USP6NL: variants seen among roughly 807,000 people sequenced by gnomAD.
The protein encoded by USP6NL is USP6 N-terminal like.
USP6NL carries 26 observed loss-of-function variants against 61.9 expected under a neutral mutation model. The observed-to-expected ratio is 0.42, with a 90% CI of 0.31 to 0.58. The LOEUF is 0.58. Among genes scored for constraint, USP6NL ranks in the 20% least tolerant of loss-of-function variants. The pLI is 0.16. For synonymous variants in USP6NL, 432 were observed against 390.1 expected, an observed-to-expected ratio of 1.11 and a Z score of -1.27; for missense variants, 1,114 against 1,034.3, an observed-to-expected ratio of 1.08 and a Z score of -1.06.
intron 2 of USP6NL, among the ~76,000 whole-genome samples, chr10:11,544,500 T>C (rs1836199277): frequency 6.6e-6 from 1 of 152,178 alleles, no homozygotes; most frequent in African/African-American, 2.4e-5. Context: ...TTTCTTTTTT[T>C]TTTTAAGACA....
At position 11,587,639 on chromosome 10, in the gene USP6NL, A is replaced by G. The variant is rs1375127790; in HGVS notation, c.4+9992T>C. On this transcript the variant is annotated intron_variant, in intron 2 of 14. Coordinates refer to ENST00000609104, the MANE Select transcript of USP6NL (RefSeq NM_014688.5). This position sits in a 1 kb window ranked among gnomAD's most constrained non-coding sequence, Gnocchi z 4.5. Reference sequence around the variant, plus strand: ...TCTCAATTTATGTACAAATAGCTATAGCTGTTTTATTATTATAAAATAATT... The same window carrying G: ...TCTCAATTTATGTACAAATAGCTATGGCTGTTTTATTATTATAAAATAATT... 6.6e-6 allele frequency among the ~76,000 whole-genome samples: 1 copy of G among 152,194 alleles called. No homozygotes were observed. Among genetic ancestry groups the G allele is most frequent in the African/African-American group, 2.4e-5 (1 of 41,444 alleles).
In USP6NL at chr10:11,575,648, C is replaced by T. The variant is rs1206892514; in HGVS notation, c.4+21983G>A. Among the ~76,000 whole-genome samples, 1 of 152,178 alleles carries T rather than the reference C, an allele frequency of 6.6e-6. No individual in the cohort carries two copies. Among genetic ancestry groups the T allele is most frequent in the Admixed American group, 6.5e-5 (1 of 15,278 alleles). On this transcript the variant is annotated intron_variant, in intron 2 of 14. Coordinates refer to ENST00000609104, the MANE Select transcript of USP6NL (RefSeq NM_014688.5). This position sits in a 1 kb window ranked among gnomAD's most constrained non-coding sequence, Gnocchi z 4.2. Reference sequence around the variant, plus strand: ...AAAATCACATAGCAATCACTTTGAACACATTGGTTCACTACTGTCAATGCT... The same window carrying T: ...AAAATCACATAGCAATCACTTTGAATACATTGGTTCACTACTGTCAATGCT...
intron 8 of USP6NL, 83 bp downstream of exon 8, chr10:11,493,036 G>A (rs1263627432): frequency 1.6e-5 from 19 of 1,220,260 alleles, no homozygotes; most frequent in Non-Finnish European, 1.6e-5. Context: ...CGAAATTACA[G>A]TCTATAAAGG....
In USP6NL at chr10:11,490,676, T is replaced by A. The variant is rs1029844160; in HGVS notation, c.543+156A>T. Among the ~76,000 whole-genome samples the A allele has an allele frequency of 2.0e-5, 3 of 152,182 alleles. No individual in the cohort carries two copies. ...CAGCTCTGTTCTAAGGCCCTAGGGT[T>A]ATCACAGGGTTTCAGCTTAAAAAGA... On this transcript the variant is annotated intron_variant, in intron 9 of 14. Transcript: ENST00000609104. The surrounding 1 kb of genome is among the most constrained non-coding windows in gnomAD (Gnocchi z 4.5).
intron 2 of USP6NL, among the ~76,000 whole-genome samples, chr10:11,530,101 CAAAAAAAAAAA>C (rs900768943): frequency 2.8e-5 from 2 of 72,014 alleles, no homozygotes; most frequent in African/African-American, 1.1e-4. Context: ...GACCCTGTCT[CAAAAAAAAAAA>C]AAAAAAAAAA....
In USP6NL at chr10:11,462,423, G is replaced by T; in HGVS notation, c.*18C>A. ...TCACGTGGTTTCTCTCTCGTCTTTA[G>T]CAAGTACACGTCAAATCTCACAGCA... On this transcript the variant is annotated 3_prime_UTR_variant, in exon 15 of 15. Coordinates refer to ENST00000609104, the MANE Select transcript of USP6NL (RefSeq NM_014688.5). 1 of 1,605,060 alleles carries T rather than the reference G, an allele frequency of 6.2e-7. No individual in the cohort carries two copies. Among genetic ancestry groups the T allele is most frequent in the Non-Finnish European group, 8.5e-7 (1 of 1,175,462 alleles).
At chr10:11,515,301 T>G (rs923377835) in intron 5 of USP6NL, among the ~76,000 whole-genome samples, 3 of 152,252 alleles carry the variant, frequency 2.0e-5, no homozygotes, top group Admixed American at 2.0e-4. Flanking sequence ...AATGCATGGA[T>G]GGATATTACA....
At position 11,462,186 on chromosome 10, in the gene USP6NL, G is replaced by A. The variant is rs968240081; in HGVS notation, c.*255C>T. 17 of 459,658 alleles carry A rather than the reference G, an allele frequency of 3.7e-5. No homozygotes were observed. The highest frequency in any genetic ancestry group is 3.1e-4 in the African/African-American group (16 of 51,232). The allele number at this position is 459,658 out of a possible 1,614,324, so 28.5% of individuals were successfully genotyped here. On this transcript the variant is annotated 3_prime_UTR_variant, in exon 15 of 15. Transcript: ENST00000609104. ...CGGAACTGAGTAATAAATTACCACT[G>A]TGCGTGCATCCCTAAATGCTATTGC...
chr10:11,516,846 G>C lies in USP6NL; in HGVS notation c.195+1689C>G, dbSNP rs189684381. On this transcript the variant is annotated intron_variant, in intron 5 of 14. Transcript: ENST00000609104. The stretch of plus-strand genomic sequence containing the variant: ...CATTAAGAGGTCATTTACTATATAG[G>C]CACATCTCTTAAAAAACTAATAAAA... 3.0e-3 allele frequency among the ~76,000 whole-genome samples: 450 copies of C among 152,020 alleles called. 1 individual carries two copies. The highest frequency in any genetic ancestry group is 0.01 in the African/African-American group (416 of 41,476).
rs1244261523 is a variant in USP6NL, at chr10:11,476,912, C to T, written c.1078+4858G>A. Among the ~76,000 whole-genome samples the T allele has an allele frequency of 6.6e-6, 1 of 152,176 alleles. No individual in the cohort carries two copies. Among genetic ancestry groups the T allele is most frequent in the African/African-American group, 2.4e-5 (1 of 41,438 alleles). ...TTCAAGACGGAGTCTTGCTCTGTCA[C>T]CCAGGCTGAAGTGCAGTGGTGCGAT... On this transcript the variant is annotated intron_variant, in intron 14 of 14. Coordinates refer to ENST00000609104, the MANE Select transcript of USP6NL (RefSeq NM_014688.5). The surrounding 1 kb of genome is among the most constrained non-coding windows in gnomAD (Gnocchi z 4.3).
chr10:11,569,482 T>A (rs1316564833), intron 2 of USP6NL, among the ~76,000 whole-genome samples: 1 of 152,192 alleles, frequency 6.6e-6, no homozygotes, highest in Admixed American at 6.5e-5. Context: ...TAAAGTGTAG[T>A]AATAGAAGCA....
At chr10:11,480,241 C>T (rs988458129) in intron 14 of USP6NL, among the ~76,000 whole-genome samples, 6 of 152,176 alleles carry the variant, frequency 3.9e-5, no homozygotes, top group Admixed American at 2.0e-4. Context: ...AATGAGACGG[C>T]ACCTGTGGTA....
chr10:11,536,719 C>T (rs1285026753), intron 2 of USP6NL, among the ~76,000 whole-genome samples: 2 of 152,192 alleles, frequency 1.3e-5, no homozygotes, highest in Non-Finnish European at 2.9e-5. Flanking sequence ...TCCTATACTT[C>T]CCCGCGGTCC....
chr10:11,603,410 T>C (rs1838611782), intron 1 of USP6NL, among the ~76,000 whole-genome samples: 1 of 152,218 alleles, frequency 6.6e-6, no homozygotes, highest in Non-Finnish European at 1.5e-5. Flanking sequence ...ACTTGATACA[T>C]CATATCAGAA....
In USP6NL at chr10:11,528,153, A is replaced by ACC. The variant is rs573760341; in HGVS notation, c.5-587_5-586insGG. ...GACACACACACACACACACACACAC[A>ACC]CACACACCCTTCATCCTTATTAACA... On this transcript the variant is annotated intron_variant, in intron 2 of 14. Coordinates refer to ENST00000609104, the MANE Select transcript of USP6NL (RefSeq NM_014688.5). This position sits in a 1 kb window ranked among gnomAD's most constrained non-coding sequence, Gnocchi z 4.6. 1.8e-3 allele frequency among the ~76,000 whole-genome samples: 268 copies of ACC among 151,986 alleles called. 1 individual carries two copies. Among genetic ancestry groups the ACC allele is most frequent in the African/African-American group, 6.2e-3 (258 of 41,464 alleles).
At chr10:11,527,349 CAGG>C in intron 3 of USP6NL, 148 bp downstream of exon 3, 2 of 639,870 alleles carry the variant, frequency 3.1e-6, no homozygotes, top group Admixed American at 2.8e-5. Context: ...TGAAGAAAGA[CAGG>C]AGATGAAGTC....
In USP6NL at chr10:11,473,371, C is replaced by A. The variant is rs528512098; in HGVS notation, c.1078+8399G>T. Among the ~76,000 whole-genome samples, 30 of 152,266 alleles carry A rather than the reference C, an allele frequency of 2.0e-4. 1 individual carries two copies. The highest frequency in any genetic ancestry group is 3.9e-4 in the Admixed American group (6 of 15,300). Reference sequence around the variant, plus strand: ...GGCACTGGAAGTGTGAGGACAAAAGCATGTGTAGTGGACGGGTCAGGCACA... The same window carrying A: ...GGCACTGGAAGTGTGAGGACAAAAGAATGTGTAGTGGACGGGTCAGGCACA... On this transcript the variant is annotated intron_variant, in intron 14 of 14. Transcript: ENST00000609104.
chr10:11,567,835 A>G (rs1837219488), intron 2 of USP6NL, among the ~76,000 whole-genome samples: 1 of 152,206 alleles, frequency 6.6e-6, no homozygotes, highest in Non-Finnish European at 1.5e-5. Context: ...CACCTGGGAA[A>G]ATATACACTA....
At chr10:11,501,331 T>G in intron 6 of USP6NL, 123 bp from the exon 7 acceptor site, 1 of 734,580 alleles carries the variant, frequency 1.4e-6, no homozygotes, top group Non-Finnish European at 2.2e-6. Context: ...AATTAATTAA[T>G]ACATTTCAAC....
Sources: allele counts gnomAD v4.1 joint callset (sites outside exome capture counted in the v4.1 genomes callset), GRCh38; gene constraint gnomAD v4.1.1; non-coding constraint Gnocchi (gnomAD v3.1); transcripts MANE v1.5; gene names NCBI Gene and HGNC (gene_info 2026-07-23, HGNC 2026-07-21).